The following NOS2 variants were observed in gnomAD, a reference collection of about 807,000 sequenced individuals.
NOS2 encodes nitric oxide synthase, inducible.
Under a neutral mutation model 136.0 loss-of-function variants are expected in NOS2, and 96 were observed. That is an observed-to-expected ratio of 0.71 (90% CI 0.60 to 0.84). The LOEUF (loss-of-function observed/expected upper bound fraction) is 0.84, where lower values mean the gene tolerates loss of function less well. NOS2 is among the 40% of genes least tolerant of loss of function. The probability of loss-of-function intolerance (pLI) is 0.00; values close to 1 mark genes in which losing one functional copy is unlikely to be tolerated. For synonymous variants in NOS2, 539 were observed against 587.5 expected (o/e 0.92, Z 1.20); for missense variants, 1,237 against 1,496.9 (o/e 0.83, Z 2.87).
At chr17:27,769,988 C>A (rs1389492341) in intron 15 of NOS2, among the ~76,000 whole-genome samples, 1 of 152,178 alleles carries the variant, frequency 6.6e-6, no homozygotes, top group Non-Finnish European at 1.5e-5. Flanking sequence ...TTCCAGGAAG[C>A]CAAGATGATT....
Position 27,769,171 on chromosome 17 carries a change from G to C in NOS2, c.1860-20C>G. On this transcript the variant is annotated intron_variant, in intron 16 of 26. Coordinates refer to ENST00000313735, the MANE Select transcript of NOS2 (RefSeq NM_000625.4). ...GCGTACCTGCCCGAGGACACACACA[G>C]AGACACATGTCCCATGCAAGCAGCA... 1 of 1,595,702 alleles carries C rather than the reference G, an allele frequency of 6.3e-7. No homozygotes were observed. The highest frequency in any genetic ancestry group is 1.3e-5 in the African/African-American group (1 of 74,886).
chr17:27,798,341 G>T (rs1360018710), intron 2 of NOS2, among the ~76,000 whole-genome samples: 1 of 152,178 alleles, frequency 6.6e-6, no homozygotes. Context: ...AATTGGAATG[G>T]ACGCAGGCCA....
At chr17:27,760,418 C>T (rs1908079303) in intron 24 of NOS2, among the ~76,000 whole-genome samples, 1 of 152,238 alleles carries the variant, frequency 6.6e-6, no homozygotes, top group African/African-American at 2.4e-5. Context: ...TTCCTGTTAC[C>T]TCCACTCCCA....
chr17:27,799,387 C>T (rs1394127093), intron 1 of NOS2, among the ~76,000 whole-genome samples: 1 of 152,216 alleles, frequency 6.6e-6, no homozygotes. Context: ...TGTTCTAACT[C>T]AGCATTATTA....
Position 27,782,098 on chromosome 17 carries a change from ATCG to A in NOS2, c.636_638del (p.Asp213del). ...CCCGGGCAGTGGAACAGCTGCGGGC[ATCG>A]AAGACCTGCAACAGCCCATCCAGAC... On this transcript the variant is annotated inframe_deletion, in exon 7 of 27. Coordinates refer to ENST00000313735, the MANE Select transcript of NOS2 (RefSeq NM_000625.4). 1 of 1,614,068 alleles carries A rather than the reference ATCG, an allele frequency of 6.2e-7. No individual in the cohort carries two copies.
chr17:27,774,187 T>G (rs1449656397), intron 12 of NOS2, 70 bp downstream of exon 12: 9 of 1,101,676 alleles, frequency 8.2e-6, no homozygotes, highest in Non-Finnish European at 2.4e-6. Flanking sequence ...AACAATGAGG[T>G]GCACACACAC....
chr17:27,756,934 G>T lies in NOS2; in HGVS notation c.*312C>A. 3.0e-6 allele frequency: 1 copy of T among 337,332 alleles called. No individual in the cohort carries two copies. The highest frequency in any genetic ancestry group is 7.6e-4 in the Middle Eastern group (1 of 1,320). 20.9% of individuals were successfully genotyped at this position (337,332 alleles called of 1,614,324 possible). A position where few individuals can be genotyped will look rare whatever the true frequency, so the allele number is the denominator to read the frequency against. ...CACAGTGGTGCGATAGCACCTCCTG[G>T]TGGTCACTTGAAGTGGTGCACTCAG... On this transcript the variant is annotated 3_prime_UTR_variant, in exon 27 of 27. Coordinates refer to ENST00000313735, the MANE Select transcript of NOS2 (RefSeq NM_000625.4).
At chr17:27,779,116 T>TA in intron 9 of NOS2, 60 bp from the exon 10 acceptor site, 2 of 1,250,730 alleles carry the variant, frequency 1.6e-6, no homozygotes, top group South Asian at 5.2e-5. Flanking sequence ...TTATTATTAT[T>TA]TTTTTTTTAG....
chr17:27,759,453 G>A (rs28944205), intron 25 of NOS2, among the ~76,000 whole-genome samples: 3,241 of 152,222 alleles, frequency 0.021, 76 homozygotes, highest in South Asian at 0.05. Flanking sequence ...GGTCTCTGCA[G>A]GGTATGGATC....
intron 2 of NOS2, among the ~76,000 whole-genome samples, chr17:27,791,782 C>CAAA (rs1306140301): frequency 0.065 from 7,853 of 119,994 alleles, 532 homozygotes; most frequent in Admixed American, 0.084. Context: ...AAAAACAAAA[C>CAAA]AAAACAAAAC....
chr17:27,796,042 G>A (rs1171842505), intron 2 of NOS2, among the ~76,000 whole-genome samples: 1 of 152,154 alleles, frequency 6.6e-6, no homozygotes, highest in African/African-American at 2.4e-5. Context: ...GGGAGATTCA[G>A]GGTGATCCGG....
Position 27,757,359 on chromosome 17 carries a change from A to G in NOS2, c.3355-6T>C, listed in dbSNP as rs542980975. 2.5e-6 allele frequency: 4 copies of G among 1,613,478 alleles called. No individual in the cohort carries two copies. In the African/African-American group the frequency reaches 4.0e-5, roughly 16 times the overall value. ...TCGTGATAGCGCTTCTGGCTCTTTT[A>G]GGTAAAAACAGAGAGCAACGTGTCA... is the stretch of plus-strand genomic sequence containing the variant. On this transcript the variant is annotated splice_region_variant and splice_polypyrimidine_tract_variant and intron_variant, in intron 26 of 26. Transcript: ENST00000313735.
rs369331364 is a variant in NOS2 at position 27,765,715 on chromosome 17, G to A, written c.2248C>T (p.Arg750Cys). Residue 750 changes from arginine (R) to cysteine (C), a missense_variant and splice_region_variant, in exon 20 of 27, where the codon CGT becomes TGT. Physicochemically the swap from Arg to Cys is radical, Grantham distance 180 (BLOSUM62 -3). Around this residue, in one of 3 missense-constraint regions of NOS2, gnomAD observed 782 missense variants for 909.9 expected, o/e 0.86. Coordinates refer to ENST00000313735, the MANE Select transcript of NOS2 (RefSeq NM_000625.4). ...GAGAGTTCCACCAGGATGGTGGCACGGCTGGGGAAGGAAAATGAAGCCTCA... is the reference window on the plus strand; with the variant it reads ...GAGAGTTCCACCAGGATGGTGGCACAGCTGGGGAAGGAAAATGAAGCCTCA... ...RQNLQSPTSS[R>C]ATILVELSCE... 22 of 1,596,768 alleles carry A rather than the reference G, an allele frequency of 1.4e-5. No individual in the cohort carries two copies. The highest frequency in any genetic ancestry group is 3.4e-5 in the South Asian group (3 of 88,584).
At chr17:27,767,327 A>G (rs1328140715) in intron 18 of NOS2, among the ~76,000 whole-genome samples, 2 of 152,178 alleles carry the variant, frequency 1.3e-5, no homozygotes, top group African/African-American at 4.8e-5. Flanking sequence ...TGGGGCTCAG[A>G]CCCCAACATG....
intron 2 of NOS2, among the ~76,000 whole-genome samples, chr17:27,792,002 G>A: frequency 6.6e-6 from 1 of 152,096 alleles, no homozygotes; most frequent in Non-Finnish European, 1.5e-5. Context: ...ACTTACTTCT[G>A]GAAGTAGAGT....
intron 2 of NOS2, among the ~76,000 whole-genome samples, chr17:27,791,209 C>T (rs1490589059): frequency 6.6e-6 from 1 of 152,102 alleles, no homozygotes; most frequent in Non-Finnish European, 1.5e-5. Context: ...CAAGGGATTC[C>T]ACAACCCTGT....
chr17:27,794,552 C>G (rs1483012547), intron 2 of NOS2, among the ~76,000 whole-genome samples: 1 of 152,192 alleles, frequency 6.6e-6, no homozygotes, highest in East Asian at 1.9e-4. Context: ...TCCCGAACCC[C>G]AGTTAAAGCA....
chr17:27,781,222 G>A (rs754986660), intron 7 of NOS2, 45 bp from the exon 8 acceptor site: 32 of 1,568,658 alleles, frequency 2.0e-5, no homozygotes, highest in Non-Finnish European at 2.7e-5. Context: ...AGCCCTGGTG[G>A]GGGCCCAGCC....
chr17:27,769,592 G>A lies in NOS2; in HGVS notation c.1810-8C>T, dbSNP rs758293270. ...GAGCGATTTCTTCAGTTTCTAGAAAGAGAGGGAATGACAGAGTTCTCAAGC... is the reference window on the plus strand; with the variant it reads ...GAGCGATTTCTTCAGTTTCTAGAAAAAGAGGGAATGACAGAGTTCTCAAGC... On this transcript the variant is annotated splice_region_variant and splice_polypyrimidine_tract_variant and intron_variant, in intron 15 of 26. Transcript: ENST00000313735. 1.2e-6 allele frequency: 2 copies of A among 1,609,670 alleles called. No homozygotes were observed. The highest frequency in any genetic ancestry group is 1.3e-5 in the African/African-American group (1 of 74,858).
Sources: gnomAD v4.1 joint callset for allele counts (sites outside exome capture counted in the v4.1 genomes callset) on GRCh38, gnomAD v4.1.1 for gene constraint, gnomAD v4.1.1 regional missense constraint, MANE v1.5 for transcripts, NCBI Gene and HGNC (gene_info 2026-07-23, HGNC 2026-07-21) for gene names.